The following NEBL variants were observed in gnomAD, a reference collection of about 807,000 sequenced individuals.
The protein encoded by NEBL is nebulette, also known as LIM and SH3 protein 2.
A neutral mutation model predicts 140.2 loss-of-function variants in NEBL; 122 were observed. The ratio of observed to expected loss-of-function variants is 0.87; its 90% CI spans 0.75 to 1.01. The LOEUF is 1.01. Among genes scored for constraint, NEBL ranks in the 50% least tolerant of loss-of-function variants. NEBL has a pLI of 0.00. For synonymous variants in NEBL, 436 were observed against 398.9 expected (o/e 1.09, Z -1.11); for missense variants, 1,365 against 1,231.3 (o/e 1.11, Z -1.62).
chr10:20,954,514 T>TG (rs990788923), intron 4 of NEBL, among the ~76,000 whole-genome samples: 33 of 152,302 alleles, frequency 2.2e-4, no homozygotes, highest in African/African-American at 7.5e-4. Context: ...CAGCTAAAGA[T>TG]GGGGTCCTTT....
chr10:20,964,884 C>T (rs931467316), intron 3 of NEBL, among the ~76,000 whole-genome samples: 5 of 152,178 alleles, frequency 3.3e-5, no homozygotes, highest in African/African-American at 9.7e-5. Flanking sequence ...TTGCCCGTTA[C>T]GTGAGCTAAT....
rs547417135 is a variant in NEBL, at chr10:21,067,814, CA to C, written c.165-47614del. Among the ~76,000 whole-genome samples, 47 of 150,838 alleles carry C rather than the reference CA, an allele frequency of 3.1e-4. 1 individual carries two copies. The South Asian group carries it at 9.2e-3, about 30-fold the overall frequency. ...CAACATAATGAGAACTTGTCTCTAC[CA>C]AAAAAAAATTAAAACATCAGCTGGG... is the stretch of plus-strand genomic sequence containing the variant. On this transcript the variant is annotated intron_variant, in intron 2 of 6. Transcript: ENST00000417816.
At chr10:20,911,796 A>G (rs1848341970) in intron 4 of NEBL, among the ~76,000 whole-genome samples, 1 of 152,216 alleles carries the variant, frequency 6.6e-6, no homozygotes, top group African/African-American at 2.4e-5. Flanking sequence ...TGATAGAGCC[A>G]AGAGTATGAC....
At chr10:20,881,018 T>C in intron 4 of NEBL, 114 bp from the exon 5 acceptor site, 1 of 784,962 alleles carries the variant, frequency 1.3e-6, no homozygotes, top group South Asian at 1.4e-5. Flanking sequence ...GATAGTTAAT[T>C]TGCCTAAATC....
At chr10:21,137,072 C>T (rs1839387919) in intron 2 of NEBL, among the ~76,000 whole-genome samples, 1 of 152,156 alleles carries the variant, frequency 6.6e-6, no homozygotes, top group Non-Finnish European at 1.5e-5. Flanking sequence ...TGCCATTTGT[C>T]TACAGGGAAG....
At chr10:21,126,077 TG>T (rs1564520162) in intron 2 of NEBL, 2 of 1,613,946 alleles carry the variant, frequency 1.2e-6, no homozygotes, top group Admixed American at 1.7e-5. Context: ...ACCAGCTTCC[TG>T]GGAGGCCTCA....
At chr10:21,045,021 G>C (rs1428362855) in intron 2 of NEBL, among the ~76,000 whole-genome samples, 1 of 152,190 alleles carries the variant, frequency 6.6e-6, no homozygotes, top group Non-Finnish European at 1.5e-5. Flanking sequence ...ATTCTCAGAA[G>C]AACGTTAATT....
intron 4 of NEBL, among the ~76,000 whole-genome samples, chr10:20,933,869 T>C (rs923908327): frequency 3.9e-5 from 6 of 152,210 alleles, no homozygotes; most frequent in African/African-American, 1.4e-4. Context: ...ACGGTTCTTA[T>C]CTTGGGGAGA....
chr10:20,983,034 G>A (rs897466852), intron 3 of NEBL, among the ~76,000 whole-genome samples: 1 of 152,164 alleles, frequency 6.6e-6, no homozygotes, highest in African/African-American at 2.4e-5. Flanking sequence ...GTAGGGTAAG[G>A]TAGGTACCCT....
intron 1 of NEBL, among the ~76,000 whole-genome samples, chr10:21,288,854 ATT>A (rs369909277): frequency 2.5e-4 from 25 of 98,078 alleles, no homozygotes; most frequent in African/African-American, 1.1e-3. Context: ...ATATATAAAA[ATT>A]TTTTTTTTTT....
chr10:21,120,110 C>G (rs868175061), intron 2 of NEBL, among the ~76,000 whole-genome samples: 1 of 151,828 alleles, frequency 6.6e-6, no homozygotes, highest in Non-Finnish European at 1.5e-5. Context: ...GTGGCTTACA[C>G]CTATAATCCC....
intron 4 of NEBL, among the ~76,000 whole-genome samples, chr10:20,904,527 A>G (rs1437041338): frequency 1.3e-5 from 2 of 152,174 alleles, no homozygotes; most frequent in Non-Finnish European, 2.9e-5. Flanking sequence ...GAGAAAGCCC[A>G]CCTCTCAATT....
chr10:21,283,605 C>T (rs1275613295), intron 1 of NEBL, among the ~76,000 whole-genome samples: 2 of 152,196 alleles, frequency 1.3e-5, no homozygotes, highest in East Asian at 3.9e-4. Flanking sequence ...TTATAGAGTA[C>T]ATATATTCTA....
chr10:21,061,933 A>G (rs1351275834), intron 2 of NEBL, among the ~76,000 whole-genome samples: 1 of 152,228 alleles, frequency 6.6e-6, no homozygotes, highest in Non-Finnish European at 1.5e-5. Context: ...ATGCAAGCAC[A>G]GAGCTAGATG....
intron 4 of NEBL, among the ~76,000 whole-genome samples, chr10:20,919,989 A>G (rs1833504236): frequency 6.6e-6 from 1 of 152,300 alleles, no homozygotes; most frequent in South Asian, 2.1e-4. Flanking sequence ...CAACAACCCA[A>G]TATGGACAAA....
intron 2 of NEBL, chr10:21,030,682 A>C: frequency 2.0e-6 from 1 of 490,922 alleles, no homozygotes; most frequent in Non-Finnish European, 4.0e-6. Flanking sequence ...AAAAGACCAC[A>C]CTGGGAACTC....
chr10:20,965,579 G>A (rs1023155549), intron 3 of NEBL, among the ~76,000 whole-genome samples: 15 of 152,198 alleles, frequency 9.9e-5, no homozygotes, highest in Non-Finnish European at 1.6e-4. Flanking sequence ...GTGGTCACAC[G>A]GGGCTTTGCA....
intron 25 of NEBL, among the ~76,000 whole-genome samples, chr10:20,809,124 C>T (rs905442782): frequency 3.9e-5 from 6 of 152,098 alleles, no homozygotes; most frequent in Non-Finnish European, 8.8e-5. Context: ...ATTCTATTCA[C>T]ATCAAAAATT....
intron 2 of NEBL, among the ~76,000 whole-genome samples, chr10:21,146,887 C>T (rs1589283264): frequency 6.6e-6 from 1 of 152,008 alleles, no homozygotes; most frequent in Admixed American, 6.6e-5. Context: ...AAACAGCTGT[C>T]GAAGCTCTGG....
Sources: gnomAD v4.1 joint callset for allele counts (sites outside exome capture counted in the v4.1 genomes callset) on GRCh38, gnomAD v4.1.1 for gene constraint, MANE v1.5 for transcripts, NCBI Gene and HGNC (gene_info 2026-07-23, HGNC 2026-07-21) for gene names.